Variants in EIF4G3 observed in about 807,000 individuals in gnomAD.
The protein encoded by EIF4G3 is eukaryotic translation initiation factor 4 gamma 3.
EIF4G3 carries 34 observed loss-of-function variants against 186.4 expected under a neutral mutation model. That is an observed-to-expected ratio of 0.18 (90% CI 0.14 to 0.24). The LOEUF is 0.24. EIF4G3 is among the 10% of genes least tolerant of loss of function. The pLI is 1.00. For missense variants in EIF4G3, 1,536 were observed against 1,948.5 expected (o/e 0.79, Z 3.99); for synonymous variants, 673 against 679.5 (o/e 0.99, Z 0.15).
chr1:20,980,184 A>G (rs2077665136), intron 10 of EIF4G3, 150 bp downstream of exon 10: 2 of 600,476 alleles, frequency 3.3e-6, no homozygotes, highest in Admixed American at 4.1e-5. Context: ...AAGAAAAAAA[A>G]AAAAGTAGCT....
At chr1:20,826,854 A>C (rs932111745) in intron 32 of EIF4G3, among the ~76,000 whole-genome samples, 10 of 152,134 alleles carry the variant, frequency 6.6e-5, no homozygotes, top group Non-Finnish European at 1.0e-4. Context: ...TGGACATAAA[A>C]ACTAGGGTTC....
intron 2 of EIF4G3, among the ~76,000 whole-genome samples, chr1:21,137,253 C>T (rs1485636917): frequency 3.3e-5 from 5 of 151,686 alleles, no homozygotes; most frequent in African/African-American, 1.2e-4. Flanking sequence ...AAGTGATCCT[C>T]CTGCCTCAGC....
rs142894101 is a variant in EIF4G3, at chr1:21,077,512, C to A, written c.-196+11626G>T. ...AAAAGTGCTCAATATCACTGATCATCAGGGAAACACAAACGAAAACCACAA... is the reference window on the plus strand; with the variant it reads ...AAAAGTGCTCAATATCACTGATCATAAGGGAAACACAAACGAAAACCACAA... On this transcript the variant is annotated intron_variant, in intron 3 of 36. Coordinates refer to ENST00000602326, the MANE Select transcript of EIF4G3 (RefSeq NM_001391906.1). 5.3e-5 allele frequency among the ~76,000 whole-genome samples: 8 copies of A among 151,154 alleles called. No homozygotes were observed. In the East Asian group the frequency reaches 1.4e-3, roughly 26 times the overall value.
intron 2 of EIF4G3, among the ~76,000 whole-genome samples, chr1:21,125,771 TACACACACACACACACAC>T (rs59291288): frequency 1.6e-4 from 24 of 146,164 alleles, no homozygotes; most frequent in African/African-American, 4.8e-4. Flanking sequence ...TATATATATA[TACACACACACACACACAC>T]ACACACACAC....
intron 3 of EIF4G3, among the ~76,000 whole-genome samples, chr1:21,087,156 T>C (rs1416970001): frequency 6.6e-6 from 1 of 152,178 alleles, no homozygotes; most frequent in Non-Finnish European, 1.5e-5. Flanking sequence ...CTCAGTAGAC[T>C]ATGAGTCCTT....
chr1:21,133,399 A>G (rs1344827804), intron 2 of EIF4G3, among the ~76,000 whole-genome samples: 5 of 151,610 alleles, frequency 3.3e-5, no homozygotes, highest in African/African-American at 7.3e-5. Flanking sequence ...TAATTTTTGT[A>G]TTTTTTTAGT....
intron 4 of EIF4G3, among the ~76,000 whole-genome samples, chr1:21,010,910 G>A (rs1485469317): frequency 1.3e-5 from 2 of 152,176 alleles, no homozygotes; most frequent in African/African-American, 4.8e-5. Flanking sequence ...GAAGCTTTAA[G>A]CTACTGATTA....
chr1:21,173,562 C>T (rs1451834023), intron 2 of EIF4G3, among the ~76,000 whole-genome samples: 1 of 152,114 alleles, frequency 6.6e-6, no homozygotes, highest in Non-Finnish European at 1.5e-5. Flanking sequence ...GTGGCACACG[C>T]CTGTAATCCC....
chr1:20,841,086 T>TA, intron 29 of EIF4G3, 58 bp from the exon 30 acceptor site: 1 of 1,554,522 alleles, frequency 6.4e-7, no homozygotes, highest in Non-Finnish European at 8.8e-7. Context: ...ACCAGAATGT[T>TA]AAGATAACTT....
chr1:20,832,242 T>C (rs377494535), intron 30 of EIF4G3, among the ~76,000 whole-genome samples: 2 of 138,618 alleles, frequency 1.4e-5, no homozygotes, highest in African/African-American at 5.3e-5. Flanking sequence ...AAAAGTGTTC[T>C]TATTTCTCCA....
intron 2 of EIF4G3, among the ~76,000 whole-genome samples, chr1:21,090,325 A>C (rs1355666606): frequency 6.6e-6 from 1 of 152,220 alleles, no homozygotes; most frequent in Non-Finnish European, 1.5e-5. Context: ...TCTGATTATT[A>C]AAGTACTCAC....
intron 2 of EIF4G3, among the ~76,000 whole-genome samples, chr1:21,095,891 T>A (rs1025065388): frequency 6.6e-6 from 1 of 152,228 alleles, no homozygotes; most frequent in Non-Finnish European, 1.5e-5. Context: ...ACATACACAT[T>A]TTCTGTGAGA....
chr1:21,114,095 T>G (rs972838223), intron 2 of EIF4G3, among the ~76,000 whole-genome samples: 5 of 152,158 alleles, frequency 3.3e-5, no homozygotes, highest in African/African-American at 1.2e-4. Flanking sequence ...GTTGTCAAGT[T>G]CATGGTGGTG....
intron 12 of EIF4G3, among the ~76,000 whole-genome samples, chr1:20,967,202 AG>A (rs2074889426): frequency 1.3e-5 from 2 of 152,368 alleles, no homozygotes; most frequent in South Asian, 4.1e-4. Context: ...CACACCCCAC[AG>A]GGCATTTAAG....
chr1:20,811,522 A>C (rs975262876), intron 35 of EIF4G3, among the ~76,000 whole-genome samples: 1 of 152,238 alleles, frequency 6.6e-6, no homozygotes, highest in African/African-American at 2.4e-5. Context: ...GAAATTATTA[A>C]TGAGACATTC....
At chr1:20,813,331 A>G in intron 34 of EIF4G3, 92 bp from the exon 35 acceptor site, 1 of 744,074 alleles carries the variant, frequency 1.3e-6, no homozygotes, top group Non-Finnish European at 2.2e-6. Flanking sequence ...TGGGAGGCCG[A>G]GACAGGAGGA....
At chr1:21,015,745 C>A (rs2088776588) in intron 4 of EIF4G3, among the ~76,000 whole-genome samples, 3 of 95,806 alleles carry the variant, frequency 3.1e-5, no homozygotes, top group Admixed American at 1.5e-4. Context: ...ATTCAACATG[C>A]TGAAAGGAAA....
intron 2 of EIF4G3, among the ~76,000 whole-genome samples, chr1:21,149,399 G>A (rs572789392): frequency 2.6e-5 from 4 of 152,108 alleles, no homozygotes; most frequent in South Asian, 4.1e-4. Context: ...GAGAAGGGGG[G>A]CTTTTCTGTT....
At chr1:21,071,380 TGCTCCAGCCTGGACAAC>T (rs2095434910) in intron 3 of EIF4G3, among the ~76,000 whole-genome samples, 1 of 152,062 alleles carries the variant, frequency 6.6e-6, no homozygotes, top group Non-Finnish European at 1.5e-5. Context: ...CATGCTACCA[TGCTCCAGCCTGGACAAC>T]AGGGTGAGAA....
Sources: allele counts gnomAD v4.1 joint callset (sites outside exome capture counted in the v4.1 genomes callset), GRCh38; gene constraint gnomAD v4.1.1; transcripts MANE v1.5; gene names NCBI Gene and HGNC (gene_info 2026-07-23, HGNC 2026-07-21).